EXOSC9: variants seen among roughly 807,000 people sequenced by gnomAD.
EXOSC9 encodes the protein exosome component 9.
Under a neutral mutation model 56.5 loss-of-function variants are expected in EXOSC9, and 38 were observed. The ratio of observed to expected loss-of-function variants is 0.67; its 90% CI spans 0.52 to 0.88. The LOEUF (loss-of-function observed/expected upper bound fraction) is 0.88. Among genes scored for constraint, EXOSC9 ranks in the 40% least tolerant of loss-of-function variants. The pLI, the probability that EXOSC9 is intolerant of heterozygous loss-of-function variation, is 0.00. For missense variants in EXOSC9, 559 were observed against 530.5 expected (o/e 1.05, Z -0.53); for synonymous variants, 170 against 170.8 (o/e 0.99, Z 0.04).
At chr4:121,814,732 A>G (rs1023065176) in intron 10 of EXOSC9, 1 of 152,212 alleles carries the variant, frequency 6.6e-6, no homozygotes, top group Non-Finnish European at 1.5e-5. Flanking sequence ...AGTGGCTACC[A>G]TGCTAGACAT....
Position 121,801,378 on chromosome 4 carries a change from G to A in EXOSC9, c.-47G>A, listed in dbSNP as rs115766017. 3.1e-3 allele frequency: 4,906 copies of A among 1,581,396 alleles called. 162 individuals are homozygous for A. The African/African-American group carries it at 0.058, about 19-fold the overall frequency. ...GGCGCGCAAGGAAAGATCGGGTTCCGTTTTTCCCGCGGATTCTGGTGCCTG... is the reference window on the plus strand; with the variant it reads ...GGCGCGCAAGGAAAGATCGGGTTCCATTTTTCCCGCGGATTCTGGTGCCTG... On this transcript the variant is annotated 5_prime_UTR_variant, in exon 1 of 12. Coordinates refer to ENST00000243498, the MANE Select transcript of EXOSC9 (RefSeq NM_005033.3).
chr4:121,810,986 G>A (rs1370757198), intron 7 of EXOSC9, among the ~76,000 whole-genome samples: 1 of 152,152 alleles, frequency 6.6e-6, no homozygotes, highest in Non-Finnish European at 1.5e-5. Flanking sequence ...ATATTCACAT[G>A]GGAGCTTTTA....
rs367759420 is a variant in EXOSC9 at position 121,809,951 on chromosome 4, T to G, written c.606-16T>G. 2.5e-6 allele frequency: 4 copies of G among 1,613,906 alleles called. No individual in the cohort carries two copies. In the African/African-American group the frequency reaches 4.0e-5, roughly 16 times the overall value. ...CGGTCTCAGATTTGTTCAGGTCCAT[T>G]TAACATTCATTTCAGAACATATTTA... On this transcript the variant is annotated splice_polypyrimidine_tract_variant and intron_variant, in intron 6 of 11. Transcript: ENST00000243498.
chr4:121,814,260 G>C (rs1045641941), intron 10 of EXOSC9: 5 of 304,896 alleles, frequency 1.6e-5, no homozygotes, highest in Non-Finnish European at 3.0e-5. Flanking sequence ...ATATAGGGAT[G>C]TAAGTATTGC....
chr4:121,816,007 T>C (rs769732546), intron 10 of EXOSC9: 52 of 1,214,996 alleles, frequency 4.3e-5, no homozygotes, highest in Non-Finnish European at 5.3e-5. Context: ...TCTTGCTCTG[T>C]CACCCAGACT....
At chr4:121,810,194 A>G in intron 7 of EXOSC9, 95 bp downstream of exon 7, 1 of 1,074,624 alleles carries the variant, frequency 9.3e-7, no homozygotes, top group South Asian at 1.4e-5. Flanking sequence ...GGATACTTCC[A>G]GTGATTTATT....
At chr4:121,811,397 G>A (rs1198263985) in intron 7 of EXOSC9, among the ~76,000 whole-genome samples, 186 bp from the exon 8 acceptor site, 1 of 152,154 alleles carries the variant, frequency 6.6e-6, no homozygotes, top group East Asian at 1.9e-4. Context: ...TTCCCTTGAT[G>A]TGACAGTCCT....
At chr4:121,807,079 G>A (rs368283139) in intron 5 of EXOSC9, among the ~76,000 whole-genome samples, 1 of 152,168 alleles carries the variant, frequency 6.6e-6, no homozygotes, top group African/African-American at 2.4e-5. Flanking sequence ...GATCACCTCA[G>A]GTTGGGAGTT....
At chr4:121,801,682 A>G (rs928065481) in intron 1 of EXOSC9, 145 bp from the exon 2 acceptor site, 7 of 801,022 alleles carry the variant, frequency 8.7e-6, no homozygotes, top group South Asian at 7.6e-5. Context: ...GCAGTTGTCC[A>G]TGCTGTAGTT....
chr4:121,816,612 A>C, intron 11 of EXOSC9, 160 bp from the exon 12 acceptor site: 1 of 836,974 alleles, frequency 1.2e-6, no homozygotes, highest in Non-Finnish European at 1.8e-6. Flanking sequence ...GTGATTTATA[A>C]AAATTAGGAC....
At chr4:121,805,357 C>T (rs1560623278) in intron 5 of EXOSC9, among the ~76,000 whole-genome samples, 1 of 152,186 alleles carries the variant, frequency 6.6e-6, no homozygotes, top group Non-Finnish European at 1.5e-5. Flanking sequence ...CATTGACCTA[C>T]GTTGTCTTTA....
At chr4:121,808,894 G>A (rs1367227580) in intron 6 of EXOSC9, among the ~76,000 whole-genome samples, 2 of 151,898 alleles carry the variant, frequency 1.3e-5, no homozygotes, top group Non-Finnish European at 2.9e-5. Flanking sequence ...AGGATGGTCT[G>A]AAGCTCCTGG....
chr4:121,814,196 G>C (rs1224545645), intron 10 of EXOSC9, 149 bp downstream of exon 10: 2 of 504,284 alleles, frequency 4.0e-6, no homozygotes, highest in Non-Finnish European at 7.0e-6. Context: ...GAGATGTATA[G>C]TGGATAAATA....
At chr4:121,815,929 T>G (rs1407908500) in intron 10 of EXOSC9, 2 of 1,224,876 alleles carry the variant, frequency 1.6e-6, no homozygotes, top group African/African-American at 3.1e-5. Flanking sequence ...TAGAGTGCTC[T>G]AAGAAGCTGA....
chr4:121,816,808 A>G lies in EXOSC9; in HGVS notation c.1272A>G (p.Pro424=). 1 of 1,602,686 alleles carries G rather than the reference A, an allele frequency of 6.2e-7. No individual in the cohort carries two copies. Among genetic ancestry groups the G allele is most frequent in the Non-Finnish European group, 8.5e-7 (1 of 1,173,880 alleles). ...CCAGTGCAAAACAAGAAAAAGCACC[A>G]AGTAAAAAGCCAGTGAAAAGAAGAA... ...QTTSAKQEKA[P]SKKPVKRRKK... Residue 424 remains proline (P), a synonymous_variant, in exon 12 of 12, where the codon CCA becomes CCG. Transcript: ENST00000243498.
At position 121,802,986 on chromosome 4, in the gene EXOSC9, C is replaced by T. The variant is rs767354279; in HGVS notation, c.353C>T (p.Thr118Ile). 108 of 1,613,574 alleles carry T rather than the reference C, an allele frequency of 6.7e-5. No individual in the cohort carries two copies. Among genetic ancestry groups the T allele is most frequent in the Non-Finnish European group, 8.8e-5 (104 of 1,179,600 alleles). The change falls in exon 4 of 12, where the codon ACT becomes ATT. Residue 118 changes from threonine to isoleucine, a missense_variant. Physicochemically the swap from Thr to Ile is moderately conservative, Grantham distance 89. Coordinates refer to ENST00000243498, the MANE Select transcript of EXOSC9 (RefSeq NM_005033.3). ...CTAAGAAATTCGAAGTGTATAGACA[C>T]TGAGTCTCTCTGTGTTGTTGCTGGT... is the stretch of plus-strand genomic sequence containing the variant. ...RCLRNSKCIDTESLCVVAGEK... is the reference protein window; with the variant it reads ...RCLRNSKCIDIESLCVVAGEK...
chr4:121,801,771 T>A, intron 1 of EXOSC9, 56 bp from the exon 2 acceptor site: 1 of 1,468,360 alleles, frequency 6.8e-7, no homozygotes, highest in South Asian at 1.1e-5. Flanking sequence ...CAAAAAGTAG[T>A]TGCTTAAGAA....
chr4:121,816,332 CT>C lies in EXOSC9; in HGVS notation c.1157-21del, dbSNP rs35942869. Reference sequence around the variant, plus strand: ...ATAAATTTTGCAAGAGATTGCTTAACTTTTTTTTTTTTTTTTAAATTAATAA... The same window carrying C: ...ATAAATTTTGCAAGAGATTGCTTAACTTTTTTTTTTTTTTTAAATTAATAA... On this transcript the variant is annotated intron_variant, in intron 10 of 11. Coordinates refer to ENST00000243498, the MANE Select transcript of EXOSC9 (RefSeq NM_005033.3). 0.14 allele frequency: 127,703 copies of C among 921,988 alleles called. 1,140 individuals carry two copies. Among genetic ancestry groups the C allele is most frequent in the East Asian group, 0.32 (9,613 of 29,786 alleles). The allele number at this position is 921,988 out of a possible 1,614,324, so 57.1% of individuals were successfully genotyped here. A position where few individuals can be genotyped will look rare whatever the true frequency, so the allele number is the denominator to read the frequency against.
rs778847636 is a variant in EXOSC9, at chr4:121,813,948, T to A, written c.1057T>A (p.Ser353Thr). The change falls in exon 10 of 12, where the codon TCT (serine) becomes ACT (threonine). Residue 353 changes from serine (S) to threonine (T), a missense_variant. Physicochemically the swap from Ser to Thr is moderately conservative, Grantham distance 58 (BLOSUM62 1). Coordinates refer to ENST00000243498, the MANE Select transcript of EXOSC9 (RefSeq NM_005033.3). ...AAACTCCTGGGGTGATCTTGAAGACTCTGAGAAGGAAGATGATGAAGGCGG... is the reference window on the plus strand; with the variant it reads ...AAACTCCTGGGGTGATCTTGAAGACACTGAGAAGGAAGATGATGAAGGCGG... ...VENSWGDLEDSEKEDDEGGGD... is the reference protein window; with the variant it reads ...VENSWGDLEDTEKEDDEGGGD... 6.2e-7 allele frequency: 1 copy of A among 1,613,504 alleles called. No homozygotes were observed. The highest frequency in any genetic ancestry group is 1.7e-5 in the Admixed American group (1 of 59,982).
Sources: gnomAD v4.1 joint callset for allele counts (sites outside exome capture counted in the v4.1 genomes callset) on GRCh38, gnomAD v4.1.1 for gene constraint, MANE v1.5 for transcripts, NCBI Gene and HGNC (gene_info 2026-07-23, HGNC 2026-07-21) for gene names.